The following CPNE5 variants were observed in gnomAD, a reference collection of about 807,000 sequenced individuals.
CPNE5 encodes copine 5, also known as copine-5.
Under a neutral mutation model 81.1 loss-of-function variants are expected in CPNE5, and 42 were observed. That is an observed-to-expected ratio of 0.52 (90% CI 0.40 to 0.67). The LOEUF is 0.67. Ranked by LOEUF, CPNE5 falls within the 30% of genes least tolerant of loss-of-function variation. The pLI, the probability that CPNE5 is intolerant of heterozygous loss-of-function variation, is 0.00. For synonymous variants in CPNE5, 313 were observed against 321.5 expected (o/e 0.97, Z 0.28); for missense variants, 612 against 815.5 (o/e 0.75, Z 3.04).
At chr6:36,832,266 C>T (rs1269685445) in intron 1 of CPNE5, among the ~76,000 whole-genome samples, 3 of 152,166 alleles carry the variant, frequency 2.0e-5, no homozygotes, top group Admixed American at 6.5e-5. Context: ...ATAGATGCCA[C>T]GTTTGCCCAT....
At chr6:36,781,621 G>GC (rs201526655) in intron 8 of CPNE5, among the ~76,000 whole-genome samples, 2,240 of 152,094 alleles carry the variant, frequency 0.015, 46 homozygotes, top group Middle Eastern at 0.048. Flanking sequence ...CACTTTAAAT[G>GC]CCCCCCTAGG....
chr6:36,742,849 C>T (rs1001443263), intron 20 of CPNE5: 3 of 985,404 alleles, frequency 3.0e-6, no homozygotes, highest in East Asian at 2.3e-4. Flanking sequence ...CTGGGTTTCC[C>T]CCGACCTGTC....
chr6:36,797,730 C>T (rs905382636), intron 6 of CPNE5, among the ~76,000 whole-genome samples: 1 of 152,210 alleles, frequency 6.6e-6, no homozygotes, highest in East Asian at 1.9e-4. Flanking sequence ...CCTCACTGTA[C>T]CCAGCTCTGG....
chr6:36,763,235 G>T (rs1766224965), intron 11 of CPNE5, among the ~76,000 whole-genome samples: 1 of 152,202 alleles, frequency 6.6e-6, no homozygotes, highest in Non-Finnish European at 1.5e-5. Flanking sequence ...CTTCTACTTG[G>T]ATCCTTGTTT....
chr6:36,815,188 C>T (rs935722017), intron 3 of CPNE5, among the ~76,000 whole-genome samples: 1 of 149,512 alleles, frequency 6.7e-6, no homozygotes, highest in Middle Eastern at 3.3e-3. Context: ...AAAAAAAGAA[C>T]AGAACAGTGT....
At chr6:36,778,128 A>G (rs1767712855) in intron 9 of CPNE5, among the ~76,000 whole-genome samples, 1 of 152,200 alleles carries the variant, frequency 6.6e-6, no homozygotes, top group African/African-American at 2.4e-5. Flanking sequence ...CAGATGAGAA[A>G]ACAGGCCCAG....
chr6:36,811,548 C>T (rs146827056), intron 3 of CPNE5, among the ~76,000 whole-genome samples: 3 of 152,318 alleles, frequency 2.0e-5, no homozygotes, highest in Non-Finnish European at 4.4e-5. Flanking sequence ...ACACTTTCAA[C>T]AGCTCAGCCA....
chr6:36,808,485 G>A (rs778923135), intron 3 of CPNE5, among the ~76,000 whole-genome samples: 2 of 152,076 alleles, frequency 1.3e-5, no homozygotes, highest in Non-Finnish European at 2.9e-5. Context: ...GACATCTCCC[G>A]GCACGTGAGT....
intron 1 of CPNE5, among the ~76,000 whole-genome samples, chr6:36,833,648 CA>C (rs1773159383): frequency 6.6e-6 from 1 of 152,188 alleles, no homozygotes; most frequent in South Asian, 2.1e-4. Flanking sequence ...AGGAAGAAAA[CA>C]GAACTTTAAT....
intron 3 of CPNE5, among the ~76,000 whole-genome samples, chr6:36,809,973 T>C (rs1028985191): frequency 7.2e-5 from 11 of 151,784 alleles, no homozygotes; most frequent in African/African-American, 2.4e-4. Flanking sequence ...CCCGTGACAA[T>C]GAAATTATTA....
Position 36,820,897 on chromosome 6 carries a change from T to C in CPNE5, c.183+1217A>G, listed in dbSNP as rs538180453. On this transcript the variant is annotated intron_variant, in intron 3 of 20. Coordinates refer to ENST00000244751, the MANE Select transcript of CPNE5 (RefSeq NM_020939.2). ...AGGAGTTTGAAGCTGCAGTGAGTCA[T>C]GATCACACCACTGCACTCCAGCCCA... Among the ~76,000 whole-genome samples, 32 of 151,310 alleles carry C rather than the reference T, an allele frequency of 2.1e-4. 1 individual carries two copies. The highest frequency in any genetic ancestry group is 7.8e-4 in the African/African-American group (32 of 41,182).
At chr6:36,819,047 G>A (rs1771808395) in intron 3 of CPNE5, among the ~76,000 whole-genome samples, 1 of 152,188 alleles carries the variant, frequency 6.6e-6, no homozygotes, top group Non-Finnish European at 1.5e-5. Flanking sequence ...TGGACAGGGT[G>A]GAATAGTAAA....
chr6:36,783,377 G>C, intron 8 of CPNE5, among the ~76,000 whole-genome samples: 1 of 14,394 alleles, frequency 6.9e-5, no homozygotes, highest in Non-Finnish European at 1.6e-4. Context: ...TGCAGTAAAA[G>C]TAAAAAAAAA....
intron 20 of CPNE5, among the ~76,000 whole-genome samples, 179 bp downstream of exon 20, chr6:36,743,510 G>A (rs1763761832): frequency 1.3e-5 from 2 of 152,356 alleles, no homozygotes; most frequent in African/African-American, 4.8e-5. Flanking sequence ...GCCCAGCCCA[G>A]ACCACAGCAT....
chr6:36,774,967 T>C lies in CPNE5; in HGVS notation c.731A>G (p.Tyr244Cys), dbSNP rs762983476. The C allele has an allele frequency of 4.3e-6, 7 of 1,612,666 alleles. No individual in the cohort carries two copies. Among genetic ancestry groups the C allele is most frequent in the African/African-American group, 1.3e-5 (1 of 75,030 alleles). ...IPVRALCNGD[Y>C]DRTIKVEVYD... is the part of the protein sequence containing the mutation. ...GGACATTTTCTCATCTCACCGATCG[T>C]AGTCGCCGTTGCAGAGGGCTCTCAC... is the stretch of plus-strand genomic sequence containing the variant. The change falls in exon 10 of 21, where the codon TAC (tyrosine) becomes TGC (cysteine). Residue 244 changes from tyrosine to cysteine, a missense_variant. Physicochemically the swap from Tyr to Cys is radical, Grantham distance 194 (BLOSUM62 -2). Transcript: ENST00000244751.
At chr6:36,762,332 A>C (rs1004265953) in intron 12 of CPNE5, among the ~76,000 whole-genome samples, 9 of 150,736 alleles carry the variant, frequency 6.0e-5, no homozygotes, top group African/African-American at 2.2e-4. Flanking sequence ...GCATGCGCAC[A>C]CACGCAAATA....
At chr6:36,817,621 G>A (rs530684709) in intron 3 of CPNE5, among the ~76,000 whole-genome samples, 11 of 152,144 alleles carry the variant, frequency 7.2e-5, no homozygotes, top group African/African-American at 2.4e-4. Context: ...GACAGCCCCC[G>A]TTGGCCCCTC....
intron 3 of CPNE5, among the ~76,000 whole-genome samples, chr6:36,806,725 A>G (rs1431692509): frequency 6.6e-6 from 1 of 152,246 alleles, no homozygotes; most frequent in African/African-American, 2.4e-5. Flanking sequence ...GTAAACCAAG[A>G]CAGCCCCTGC....
chr6:36,827,223 G>T (rs914296004), intron 1 of CPNE5: 3 of 594,734 alleles, frequency 5.0e-6, no homozygotes, highest in Non-Finnish European at 6.3e-6. Flanking sequence ...ATGTCCCTGC[G>T]CCCTACACCC....
Sources: gnomAD v4.1 joint callset for allele counts (sites outside exome capture counted in the v4.1 genomes callset) on GRCh38, gnomAD v4.1.1 for gene constraint, MANE v1.5 for transcripts, NCBI Gene and HGNC (gene_info 2026-07-23, HGNC 2026-07-21) for gene names.